The following AMD1 variants were observed in gnomAD, a reference collection of about 807,000 sequenced individuals.
AMD1 encodes the protein S-adenosylmethionine decarboxylase proenzyme.
In AMD1, 11 loss-of-function variants were observed where a neutral mutation model predicts 40.2. That is an observed-to-expected ratio of 0.27 (90% CI 0.17 to 0.45). The LOEUF is 0.45. AMD1 is among the 20% of genes least tolerant of loss of function. AMD1 has a pLI of 1.00. For missense variants in AMD1, 257 were observed against 410.2 expected (o/e 0.63, Z 3.23); for synonymous variants, 121 against 130.8 (o/e 0.93, Z 0.51).
chr6:110,887,872 G>A (rs1019168920), intron 2 of AMD1, among the ~76,000 whole-genome samples: 2 of 152,074 alleles, frequency 1.3e-5, no homozygotes, highest in East Asian at 1.9e-4. Context: ...TTTTAGTAGA[G>A]ACGGGGTTTC....
chr6:110,820,288 G>A, the AMD1 span, among the ~76,000 whole-genome samples: 1 of 150,142 alleles, frequency 6.7e-6, no homozygotes, highest in Admixed American at 6.6e-5. Context: ...CCAGGCTGGA[G>A]CGCAATGGTG....
chr6:110,892,099 G>A, intron 4 of AMD1, 62 bp from the exon 5 acceptor site: 1 of 1,563,318 alleles, frequency 6.4e-7, no homozygotes, highest in East Asian at 2.2e-5. Context: ...TGGAAGGGTA[G>A]TAACAAACCA....
chr6:110,841,157 G>A, the AMD1 span, among the ~76,000 whole-genome samples: 3 of 152,308 alleles, frequency 2.0e-5, no homozygotes, highest in East Asian at 1.9e-4. Context: ...GGGATTACAG[G>A]CATCTGCCAC....
At chr6:110,846,767 G>A in the AMD1 span, among the ~76,000 whole-genome samples, 1 of 152,160 alleles carries the variant, frequency 6.6e-6, no homozygotes, top group East Asian at 1.9e-4. Flanking sequence ...CTACTTGGGA[G>A]GCTGAGGCAG....
intron 4 of AMD1, chr6:110,891,900 G>A (rs777953817): frequency 3.2e-5 from 15 of 473,782 alleles, no homozygotes; most frequent in East Asian, 7.8e-5. Flanking sequence ...GTGCCAACAC[G>A]CCCAGCTACT....
At chr6:110,855,089 T>TTTTTTTTTTTTTTTA in the AMD1 span, among the ~76,000 whole-genome samples, 2 of 146,896 alleles carry the variant, frequency 1.4e-5, no homozygotes, top group Non-Finnish European at 3.0e-5. Context: ...TTTTTTTTTT[T>TTTTTTTTTTTTTTTA]GAGAGAATTG....
the AMD1 span, among the ~76,000 whole-genome samples, chr6:110,840,008 T>C: frequency 6.4e-5 from 7 of 109,778 alleles, no homozygotes; most frequent in Non-Finnish European, 1.2e-4. Flanking sequence ...CTCAGGATTC[T>C]CTCTCTTTTT....
chr6:110,891,277 C>T (rs1786001139), intron 4 of AMD1: 1 of 152,296 alleles, frequency 6.6e-6, no homozygotes, highest in South Asian at 2.1e-4. Context: ...AACTCCTGCC[C>T]TCTAGCAGTC....
Position 110,893,785 on chromosome 6 carries a change from A to G in AMD1, c.*169A>G, listed in dbSNP as rs1369967498. ...CATTTTGAATTGTATGCATTATTAT[A>G]TCAAGGAGTTAGATATCTTGCATGA... is the stretch of plus-strand genomic sequence containing the variant. On this transcript the variant is annotated 3_prime_UTR_variant, in exon 9 of 9. Coordinates refer to ENST00000368885, the MANE Select transcript of AMD1 (RefSeq NM_001634.6). 4 of 694,204 alleles carry G rather than the reference A, an allele frequency of 5.8e-6. No individual in the cohort carries two copies. The African/African-American group carries it at 7.2e-5, about 12-fold the overall frequency. The allele number at this position is 694,204 out of a possible 1,614,324, so 43.0% of individuals were successfully genotyped here.
upstream of AMD1, among the ~76,000 whole-genome samples, chr6:110,869,991 T>G (rs1254269808): frequency 6.6e-6 from 1 of 152,092 alleles, no homozygotes; most frequent in Non-Finnish European, 1.5e-5. Flanking sequence ...CTTAAAGCAA[T>G]CCTCCCGCCT....
At chr6:110,851,158 G>T in the AMD1 span, among the ~76,000 whole-genome samples, 53 of 152,030 alleles carry the variant, frequency 3.5e-4, no homozygotes, top group African/African-American at 1.2e-3. Context: ...TAGAGACGAG[G>T]TTTCAGCATG....
chr6:110,816,826 G>A, the AMD1 span, among the ~76,000 whole-genome samples: 22 of 152,202 alleles, frequency 1.4e-4, no homozygotes, highest in African/African-American at 5.1e-4. Context: ...TGAGCTCAAG[G>A]ATCCTCCTGC....
At chr6:110,848,588 T>C in the AMD1 span, 5 of 507,948 alleles carry the variant, frequency 9.8e-6, no homozygotes, top group Non-Finnish European at 1.6e-5. Flanking sequence ...ACAAAGACTT[T>C]AGGAAAGGTG....
At chr6:110,851,196 C>A in the AMD1 span, among the ~76,000 whole-genome samples, 1 of 152,146 alleles carries the variant, frequency 6.6e-6, no homozygotes, top group East Asian at 1.9e-4. Context: ...GAACTCCTGA[C>A]CTCAGGTGAT....
the AMD1 span, chr6:110,815,380 A>G: frequency 2.7e-6 from 1 of 367,752 alleles, no homozygotes. Context: ...TCCCGCAGGC[A>G]CCCCCAGTCC....
In AMD1 at chr6:110,879,421, A is replaced by G. The variant is rs902401751; in HGVS notation, c.110+4206A>G. Among the ~76,000 whole-genome samples, 4 of 152,224 alleles carry G rather than the reference A, an allele frequency of 2.6e-5. No homozygotes were observed. In the South Asian group the frequency reaches 6.2e-4, roughly 24 times the overall value. ...TTAAGAAGCACATGTTGAAAGTAGC[A>G]GAAAACTGAGAGGAGTATCCCGATT... On this transcript the variant is annotated intron_variant, in intron 1 of 8. Coordinates refer to ENST00000368885, the MANE Select transcript of AMD1 (RefSeq NM_001634.6).
the AMD1 span, among the ~76,000 whole-genome samples, chr6:110,845,072 C>A: frequency 4.9e-5 from 7 of 143,120 alleles, no homozygotes; most frequent in African/African-American, 1.8e-4. Context: ...TGGTGTCTCA[C>A]TCTGTCGCCC....
the AMD1 span, among the ~76,000 whole-genome samples, chr6:110,859,552 C>T: frequency 1.3e-5 from 2 of 151,844 alleles, no homozygotes; most frequent in African/African-American, 4.8e-5. Flanking sequence ...GAAGTATTAA[C>T]AAAAGAAAAA....
At chr6:110,886,021 G>T (rs57067583) in intron 1 of AMD1, among the ~76,000 whole-genome samples, 1 of 152,246 alleles carries the variant, frequency 6.6e-6, no homozygotes, top group Non-Finnish European at 1.5e-5. Flanking sequence ...TTGGGAGGCC[G>T]AGGCAGGCGG....
Sources: gnomAD v4.1 joint callset for allele counts (sites outside exome capture counted in the v4.1 genomes callset) on GRCh38, gnomAD v4.1.1 for gene constraint, MANE v1.5 for transcripts, NCBI Gene and HGNC (gene_info 2026-07-23, HGNC 2026-07-21) for gene names.